Variants in ELF1 observed in about 807,000 individuals in gnomAD.
ELF1 encodes ETS-related transcription factor Elf-1.
A neutral mutation model predicts 59.9 loss-of-function variants in ELF1; 24 were observed. The ratio of observed to expected loss-of-function variants is 0.40; its 90% CI spans 0.29 to 0.56. The LOEUF (loss-of-function observed/expected upper bound fraction) is 0.56. ELF1 is among the 20% of genes least tolerant of loss of function. The pLI, the probability that ELF1 is intolerant of heterozygous loss-of-function variation, is 0.44. For missense variants in ELF1, 627 were observed against 742.2 expected (o/e 0.84, Z 1.80); for synonymous variants, 248 against 266.2 (o/e 0.93, Z 0.67).
chr13:40,974,335 T>A (rs916872210), intron 2 of ELF1, among the ~76,000 whole-genome samples: 1 of 152,206 alleles, frequency 6.6e-6, no homozygotes, highest in African/African-American at 2.4e-5. Flanking sequence ...TATTTTAAAC[T>A]ACTTTTCACC....
chr13:41,036,206 A>G (rs1427296264), intron 1 of ELF1, among the ~76,000 whole-genome samples: 2 of 152,034 alleles, frequency 1.3e-5, no homozygotes, highest in Non-Finnish European at 2.9e-5. Context: ...ATGAGCCACC[A>G]CAGCCGGCCA....
chr13:40,955,824 C>G (rs1229752413), intron 3 of ELF1, among the ~76,000 whole-genome samples: 2 of 130,724 alleles, frequency 1.5e-5, no homozygotes. Context: ...AGGTGAGGGG[C>G]GCCTCTGCCC....
chr13:41,001,138 G>A (rs1238265688), intron 1 of ELF1, among the ~76,000 whole-genome samples: 1 of 151,862 alleles, frequency 6.6e-6, no homozygotes, highest in Non-Finnish European at 1.5e-5. Flanking sequence ...CACCACGCCT[G>A]TCTAATTTTT....
chr13:41,034,281 A>G (rs1876286451), intron 1 of ELF1, among the ~76,000 whole-genome samples: 1 of 152,200 alleles, frequency 6.6e-6, no homozygotes, highest in Non-Finnish European at 1.5e-5. Context: ...GAAAAAGGAC[A>G]TTAGTGGAAA....
chr13:41,030,073 A>G lies in ELF1; in HGVS notation c.-229+30765T>C, dbSNP rs551616625. Among the ~76,000 whole-genome samples the G allele has an allele frequency of 1.3e-4, 19 of 151,770 alleles. 1 individual carries two copies. The highest frequency in any genetic ancestry group is 4.6e-4 in the African/African-American group (19 of 41,492). ...ACCATATATATATATTTATATTTAT[A>G]TTACATTAACATGTATATAATATTA... On this transcript the variant is annotated intron_variant, in intron 1 of 1. Coordinates refer to the ELF1 transcript ENST00000405737.
At position 40,933,913 on chromosome 13, in the gene ELF1, A is replaced by C; in HGVS notation, c.1372T>G (p.Ser458Ala). 1 of 1,614,232 alleles carries C rather than the reference A, an allele frequency of 6.2e-7. No individual in the cohort carries two copies. The highest frequency in any genetic ancestry group is 8.5e-7 in the Non-Finnish European group (1 of 1,180,040). Reference protein sequence around the residue: ...LTTVIASTDPSAGTGSQKFIL... With the variant: ...LTTVIASTDPAAGTGSQKFIL... Reference sequence around the variant, plus strand: ...AACTTCTGAGATCCAGTACCTGCTGATGGATCTGTGCTGGCTATAACTGTT... The same window carrying C: ...AACTTCTGAGATCCAGTACCTGCTGCTGGATCTGTGCTGGCTATAACTGTT... Residue 458 changes from serine to alanine, a missense_variant, in exon 9 of 9, where the codon TCA (serine) becomes GCA (alanine). Around this residue, in one of 3 missense-constraint regions of ELF1, gnomAD observed 361 missense variants for 396.1 expected, o/e 0.91. Coordinates refer to ENST00000239882, the MANE Select transcript of ELF1 (RefSeq NM_172373.4).
upstream of ELF1, among the ~76,000 whole-genome samples, chr13:41,021,310 A>G (rs564480954): frequency 3.0e-3 from 453 of 152,334 alleles, 3 homozygotes; most frequent in African/African-American, 0.01. Context: ...AATTAAAGGG[A>G]AAATAATTAC....
chr13:41,000,237 C>CTTTTTTTTTTTTTTTTTTTTTTTTT (rs55938711), intron 1 of ELF1, among the ~76,000 whole-genome samples: 1 of 54,722 alleles, frequency 1.8e-5, no homozygotes, highest in African/African-American at 7.7e-5. Context: ...TTGAACCTGG[C>CTTTTTTTTTTTTTTTTTTTTTTTTT]TTTTTTTTTT....
At chr13:40,949,432 G>A (rs1447609010) in intron 5 of ELF1, among the ~76,000 whole-genome samples, 4 of 151,698 alleles carry the variant, frequency 2.6e-5, no homozygotes, top group Non-Finnish European at 5.9e-5. Context: ...ACCTTAGCTC[G>A]CTGAAACCTG....
chr13:41,026,707 T>A (rs1183309781), intron 1 of ELF1, among the ~76,000 whole-genome samples: 1 of 152,170 alleles, frequency 6.6e-6, no homozygotes, highest in Non-Finnish European at 1.5e-5. Context: ...GCAATCTACT[T>A]GGAAGTGGGT....
intron 1 of ELF1, among the ~76,000 whole-genome samples, chr13:41,053,014 C>T (rs1877145207): frequency 6.6e-6 from 1 of 152,070 alleles, no homozygotes; most frequent in Non-Finnish European, 1.5e-5. Flanking sequence ...AAGTTTATTG[C>T]ATTTGTCACA....
In ELF1 at chr13:40,932,220, CA is replaced by C. The variant is rs764515029; in HGVS notation, c.*1204del. On this transcript the variant is annotated 3_prime_UTR_variant, in exon 9 of 9. Transcript: ENST00000239882. ...GTTATACTAGAAAATTTGCAGAAGACATTTTTTTCTTGTGACATTAAATGTA... is the reference window on the plus strand; with the variant it reads ...GTTATACTAGAAAATTTGCAGAAGACTTTTTTTCTTGTGACATTAAATGTA... The C allele has an allele frequency of 2.0e-5, 3 of 151,870 alleles. No homozygotes were observed. Among genetic ancestry groups the C allele is most frequent in the Non-Finnish European group, 4.4e-5 (3 of 67,998 alleles). The allele number at this position is 151,870 out of a possible 1,614,324, so 9.4% of individuals were successfully genotyped here. A position where few individuals can be genotyped will look rare whatever the true frequency, so the allele number is the denominator to read the frequency against.
At chr13:40,979,437 G>A (rs976987917) in intron 2 of ELF1, among the ~76,000 whole-genome samples, 5 of 152,190 alleles carry the variant, frequency 3.3e-5, no homozygotes, top group African/African-American at 4.8e-5. Flanking sequence ...ATAAGCAGCG[G>A]AGCCAAGATT....
At chr13:40,946,120 T>A (rs1172249555) in intron 5 of ELF1, among the ~76,000 whole-genome samples, 1 of 152,230 alleles carries the variant, frequency 6.6e-6, no homozygotes, top group Non-Finnish European at 1.5e-5. Flanking sequence ...ATTACAAGCA[T>A]GAGCCACTGA....
chr13:41,061,130 A>G (rs998759621), exon 1 of ELF1: 4 of 191,752 alleles, frequency 2.1e-5, no homozygotes, highest in African/African-American at 9.4e-5. Flanking sequence ...GAGGACCCCG[A>G]CCCACAGGTC....
intron 3 of ELF1, 62 bp from the exon 4 acceptor site, chr13:40,951,498 T>C: frequency 7.7e-7 from 1 of 1,294,114 alleles, no homozygotes; most frequent in Non-Finnish European, 1.1e-6. Flanking sequence ...CTGAAAGTCA[T>C]ACACCGCTTA....
At chr13:40,993,029 G>C in intron 1 of ELF1, 3 of 1,568,898 alleles carry the variant, frequency 1.9e-6, no homozygotes. Flanking sequence ...ATTCTGTTCA[G>C]AGGAACTCTC....
chr13:41,015,323 C>T (rs1006874841), intron 1 of ELF1, among the ~76,000 whole-genome samples: 1 of 151,282 alleles, frequency 6.6e-6, no homozygotes, highest in Admixed American at 6.6e-5. Context: ...AGTTGAACAA[C>T]ATATAGCACA....
chr13:41,019,282 A>G lies in ELF1; in HGVS notation c.-283T>C. On this transcript the variant is annotated 5_prime_UTR_variant, in exon 1 of 9. Transcript: ENST00000239882. Reference sequence around the variant, plus strand: ...GAGCTTGAAAATAAAAAGCAATCCGACAAGTTTTAGCTGTTAAAATGGCTC... The same window carrying G: ...GAGCTTGAAAATAAAAAGCAATCCGGCAAGTTTTAGCTGTTAAAATGGCTC... 1.0e-6 allele frequency: 1 copy of G among 985,400 alleles called. No homozygotes were observed. Among genetic ancestry groups the G allele is most frequent in the Non-Finnish European group, 1.2e-6 (1 of 829,932 alleles). The allele number at this position is 985,400 out of a possible 1,614,324, so 61.0% of individuals were successfully genotyped here.
Sources: gnomAD v4.1 joint callset for allele counts (sites outside exome capture counted in the v4.1 genomes callset) on GRCh38, gnomAD v4.1.1 for gene constraint, gnomAD v4.1.1 regional missense constraint, MANE v1.5 for transcripts, NCBI Gene and HGNC (gene_info 2026-07-23, HGNC 2026-07-21) for gene names.